Variants in VEPH1 observed in about 807,000 individuals in gnomAD.
The protein encoded by VEPH1 is ventricular zone expressed PH domain containing 1.
VEPH1 carries 80 observed loss-of-function variants against 85.2 expected under a neutral mutation model. The ratio of observed to expected loss-of-function variants is 0.94; its 90% CI spans 0.78 to 1.13. The LOEUF is 1.13. VEPH1 is among the 50% of genes most tolerant of loss of function. The pLI, the probability that VEPH1 is intolerant of heterozygous loss-of-function variation, is 0.00. For synonymous variants in VEPH1, 297 were observed against 348.0 expected (o/e 0.85, Z 1.63); for missense variants, 955 against 980.5 (o/e 0.97, Z 0.35).
At chr3:157,442,567 T>C (rs754700856) in intron 4 of VEPH1, 2 of 1,614,040 alleles carry the variant, frequency 1.2e-6, no homozygotes, top group South Asian at 1.1e-5. Context: ...TACCAATCCA[T>C]AGTGTTTGTG....
At chr3:157,300,759 G>A (rs1170440200) in intron 11 of VEPH1, among the ~76,000 whole-genome samples, 1 of 152,192 alleles carries the variant, frequency 6.6e-6, no homozygotes, top group Non-Finnish European at 1.5e-5. Flanking sequence ...AAAATCATAT[G>A]CAATCACTTA....
intron 10 of VEPH1, among the ~76,000 whole-genome samples, chr3:157,314,186 A>T (rs1050803815): frequency 6.6e-6 from 1 of 151,658 alleles, no homozygotes; most frequent in African/African-American, 2.4e-5. Flanking sequence ...AAAAAAAATT[A>T]GCCGGGCGTG....
intron 5 of VEPH1, among the ~76,000 whole-genome samples, chr3:157,416,573 G>A (rs1176054204): frequency 6.6e-6 from 1 of 152,088 alleles, no homozygotes; most frequent in East Asian, 1.9e-4. Context: ...CACATTTCCT[G>A]CCCCATTCTA....
At chr3:157,375,758 T>C (rs1728019332) in intron 7 of VEPH1, among the ~76,000 whole-genome samples, 2 of 152,190 alleles carry the variant, frequency 1.3e-5, no homozygotes, top group Admixed American at 1.3e-4. Context: ...ATTCAGTCAG[T>C]TTTGACTATA....
chr3:157,354,839 T>C lies in VEPH1; in HGVS notation c.1735+8525A>G, dbSNP rs76153868. 6.7e-3 allele frequency among the ~76,000 whole-genome samples: 1,020 copies of C among 152,326 alleles called. 19 individuals are homozygous for C. The highest frequency in any genetic ancestry group is 0.023 in the African/African-American group (972 of 41,566). ...ATGAATCTGCTATTCACCTGTAGAA[T>C]AGCATTTGCTTCCTAAGGAGTCTCT... On this transcript the variant is annotated intron_variant, in intron 9 of 13. Transcript: ENST00000362010.
intron 6 of VEPH1, among the ~76,000 whole-genome samples, chr3:157,395,166 C>T (rs1398444330): frequency 5.9e-5 from 9 of 152,110 alleles, no homozygotes; most frequent in African/African-American, 1.2e-4. Flanking sequence ...CCATGGCAGT[C>T]GACAAGGCAG....
At chr3:157,498,363 A>C (rs956031925) in intron 1 of VEPH1, among the ~76,000 whole-genome samples, 2 of 152,220 alleles carry the variant, frequency 1.3e-5, no homozygotes, top group Non-Finnish European at 2.9e-5. Context: ...ATAAAGTGTA[A>C]ACGAGCCCTT....
At chr3:157,302,457 G>T (rs943612121) in intron 11 of VEPH1, among the ~76,000 whole-genome samples, 3 of 152,108 alleles carry the variant, frequency 2.0e-5, no homozygotes, top group African/African-American at 4.8e-5. Flanking sequence ...TCTTGGGGAT[G>T]GAGTCCTCAT....
intron 12 of VEPH1, chr3:157,286,272 G>T (rs1716753920): frequency 5.8e-6 from 2 of 345,284 alleles, no homozygotes; most frequent in Non-Finnish European, 1.1e-5. Flanking sequence ...TAACCCTCAG[G>T]GTCATCTGGA....
chr3:157,388,974 T>C (rs1265898514), intron 6 of VEPH1, among the ~76,000 whole-genome samples: 1 of 152,128 alleles, frequency 6.6e-6, no homozygotes, highest in African/African-American at 2.4e-5. Context: ...TTCTTGTTAT[T>C]TGGGAATAAC....
At chr3:157,392,515 A>G (rs1253927370) in intron 6 of VEPH1, among the ~76,000 whole-genome samples, 1 of 152,216 alleles carries the variant, frequency 6.6e-6, no homozygotes, top group Non-Finnish European at 1.5e-5. Context: ...AATGGTCTAC[A>G]TCAGGGGTGT....
At chr3:157,340,236 C>T (rs953692341) in intron 9 of VEPH1, among the ~76,000 whole-genome samples, 9 of 152,170 alleles carry the variant, frequency 5.9e-5, no homozygotes, top group Non-Finnish European at 7.3e-5. Context: ...TCACCTCACC[C>T]GGGAAGTGCA....
chr3:157,290,900 A>G (rs748367454), intron 11 of VEPH1, among the ~76,000 whole-genome samples: 1 of 152,168 alleles, frequency 6.6e-6, no homozygotes, highest in Non-Finnish European at 1.5e-5. Flanking sequence ...GAGATTTACA[A>G]CATCATTTCA....
chr3:157,447,176 G>A (rs549740130), intron 4 of VEPH1, among the ~76,000 whole-genome samples: 12 of 152,228 alleles, frequency 7.9e-5, no homozygotes, highest in Admixed American at 1.3e-4. Flanking sequence ...TCAGAGTTCA[G>A]CACACAAATG....
At chr3:157,492,366 C>G (rs961639731) in intron 2 of VEPH1, among the ~76,000 whole-genome samples, 1 of 152,014 alleles carries the variant, frequency 6.6e-6, no homozygotes, top group Admixed American at 6.6e-5. Flanking sequence ...TTTATATTTC[C>G]AAGTCTTGTA....
intron 1 of VEPH1, among the ~76,000 whole-genome samples, chr3:157,501,166 G>A (rs1041857946): frequency 3.3e-5 from 5 of 152,150 alleles, no homozygotes; most frequent in African/African-American, 1.2e-4. Context: ...TTCCATTTGA[G>A]CCATATTTAT....
At chr3:157,295,642 A>C (rs1477681398) in intron 11 of VEPH1, among the ~76,000 whole-genome samples, 1 of 152,180 alleles carries the variant, frequency 6.6e-6, no homozygotes, top group Non-Finnish European at 1.5e-5. Flanking sequence ...ACCACCCCTC[A>C]GTAGAGAACT....
intron 9 of VEPH1, among the ~76,000 whole-genome samples, chr3:157,336,663 C>T (rs181151851): frequency 1.6e-3 from 240 of 152,040 alleles, no homozygotes; most frequent in Non-Finnish European, 2.7e-3. Context: ...CCAGAAGTCT[C>T]GCATGGAGGA....
At chr3:157,476,038 G>A (rs1258990403) in intron 2 of VEPH1, among the ~76,000 whole-genome samples, 1 of 152,238 alleles carries the variant, frequency 6.6e-6, no homozygotes, top group Non-Finnish European at 1.5e-5. Flanking sequence ...ATACAAAGCA[G>A]AGGGAATGAC....
Sources: gnomAD v4.1 joint callset for allele counts (sites outside exome capture counted in the v4.1 genomes callset) on GRCh38, gnomAD v4.1.1 for gene constraint, MANE v1.5 for transcripts, NCBI Gene and HGNC (gene_info 2026-07-23, HGNC 2026-07-21) for gene names.